The following PRKCB variants were observed in gnomAD, a reference collection of about 807,000 sequenced individuals.
PRKCB encodes the protein protein kinase C beta type.
Under a neutral mutation model 81.5 loss-of-function variants are expected in PRKCB, and 13 were observed. The ratio of observed to expected loss-of-function variants is 0.16; its 90% CI spans 0.10 to 0.25. The LOEUF is 0.25. Among genes scored for constraint, PRKCB ranks in the 10% least tolerant of loss-of-function variants. The pLI, the probability that PRKCB is intolerant of heterozygous loss-of-function variation, is 1.00. For synonymous variants in PRKCB, 335 were observed against 321.4 expected, an observed-to-expected ratio of 1.04 and a Z score of -0.45; for missense variants, 509 against 875.7, an observed-to-expected ratio of 0.58 and a Z score of 5.29.
intron 16 of PRKCB, among the ~76,000 whole-genome samples, chr16:24,204,904 G>A (rs1391201841): frequency 6.6e-6 from 1 of 151,892 alleles, no homozygotes; most frequent in East Asian, 2.0e-4. Context: ...TGCAGATCAC[G>A]AGGTCAGGAG....
At chr16:24,050,741 C>T (rs114316403) in intron 5 of PRKCB, among the ~76,000 whole-genome samples, 4 of 152,200 alleles carry the variant, frequency 2.6e-5, no homozygotes, top group Admixed American at 6.5e-5. Context: ...TGTCATGACC[C>T]GCCGCTTGAA....
chr16:24,064,580 G>A (rs923699000), intron 5 of PRKCB, among the ~76,000 whole-genome samples: 7 of 152,110 alleles, frequency 4.6e-5, no homozygotes, highest in African/African-American at 1.4e-4. Context: ...TTGTGTGTGT[G>A]TAAATTAGTT....
chr16:23,948,189 G>GTA (rs1964229540), intron 2 of PRKCB, among the ~76,000 whole-genome samples: 1 of 152,150 alleles, frequency 6.6e-6, no homozygotes, highest in Non-Finnish European at 1.5e-5. Flanking sequence ...CACAGCATCT[G>GTA]TAGTGCAGAT....
At chr16:24,095,993 A>G (rs1966434164) in intron 7 of PRKCB, among the ~76,000 whole-genome samples, 1 of 152,058 alleles carries the variant, frequency 6.6e-6, no homozygotes, top group Non-Finnish European at 1.5e-5. Context: ...GGCAAGGGCT[A>G]TTATCATTTA....
intron 2 of PRKCB, among the ~76,000 whole-genome samples, chr16:23,854,580 G>A (rs1214467924): frequency 6.6e-6 from 1 of 152,116 alleles, no homozygotes; most frequent in Non-Finnish European, 1.5e-5. Flanking sequence ...TATGCTGATG[G>A]GTGCATTCTC....
chr16:24,074,774 G>A (rs547982725), intron 5 of PRKCB, among the ~76,000 whole-genome samples: 1 of 152,128 alleles, frequency 6.6e-6, no homozygotes, highest in Non-Finnish European at 1.5e-5. Context: ...TGATGCAACG[G>A]TCTAAGCTGC....
At chr16:24,110,540 A>G (rs2141916688) in intron 7 of PRKCB, among the ~76,000 whole-genome samples, 2 of 111,380 alleles carry the variant, frequency 1.8e-5, no homozygotes, top group East Asian at 2.4e-4. Flanking sequence ...TTTGAGAGAC[A>G]GGGTCTTGCT....
intron 5 of PRKCB, among the ~76,000 whole-genome samples, chr16:24,059,994 T>C (rs189069160): frequency 6.6e-6 from 1 of 152,154 alleles, no homozygotes; most frequent in Non-Finnish European, 1.5e-5. Context: ...TGTAGACAAC[T>C]CATGAGAATT....
At chr16:23,937,400 G>T (rs1385932438) in intron 2 of PRKCB, among the ~76,000 whole-genome samples, 2 of 152,184 alleles carry the variant, frequency 1.3e-5, no homozygotes, top group Non-Finnish European at 2.9e-5. Context: ...CATGAACATT[G>T]CAAGCTCAAT....
chr16:24,219,988 G>C lies in PRKCB; in HGVS notation c.*5172G>C. 6.2e-7 allele frequency: 1 copy of C among 1,613,992 alleles called. No individual in the cohort carries two copies. Among genetic ancestry groups the C allele is most frequent in the Non-Finnish European group, 8.5e-7 (1 of 1,179,996 alleles). On this transcript the variant is annotated 3_prime_UTR_variant, in exon 17 of 17. Transcript: ENST00000643927. ...AGACAAGAGAGACACCTCCAACTTC[G>C]ACAAAGAGTTCACCAGACAGCCTGT...
intron 2 of PRKCB, among the ~76,000 whole-genome samples, chr16:23,872,679 G>T (rs1962924272): frequency 6.6e-6 from 1 of 152,112 alleles, no homozygotes; most frequent in South Asian, 2.1e-4. Context: ...CAAAAATAGA[G>T]CAAAGTGTAA....
chr16:24,042,120 A>T (rs143387546), intron 5 of PRKCB, among the ~76,000 whole-genome samples: 1 of 152,074 alleles, frequency 6.6e-6, no homozygotes, highest in Admixed American at 6.6e-5. Context: ...GGTTTGTTAT[A>T]TAGGTAAACT....
At position 23,931,111 on chromosome 16, in the gene PRKCB, A is replaced by AT. The variant is rs1963967463; in HGVS notation, c.206-57395dup. On this transcript the variant is annotated intron_variant, in intron 2 of 16. Coordinates refer to ENST00000643927, the MANE Select transcript of PRKCB (RefSeq NM_002738.7). Reference sequence around the variant, plus strand: ...TGAAAAATGCCCAGCTGTGATTGGCATTGTTAGGGGTCAGTGAAGACACGC... The same window carrying AT: ...TGAAAAATGCCCAGCTGTGATTGGCATTTGTTAGGGGTCAGTGAAGACACGC... Among the ~76,000 whole-genome samples the AT allele has an allele frequency of 2.6e-5, 4 of 152,316 alleles. No individual in the cohort carries two copies. In the South Asian group the frequency reaches 8.3e-4, roughly 32 times the overall value.
At chr16:23,844,079 T>C (rs886911719) in intron 2 of PRKCB, among the ~76,000 whole-genome samples, 1 of 152,248 alleles carries the variant, frequency 6.6e-6, no homozygotes, top group Non-Finnish European at 1.5e-5. Context: ...TTACTAAGTA[T>C]AATTTAAAAT....
chr16:24,187,152 A>G (rs1461830890), intron 15 of PRKCB, among the ~76,000 whole-genome samples: 1 of 152,238 alleles, frequency 6.6e-6, no homozygotes, highest in African/African-American at 2.4e-5. Context: ...AGATTTCTCA[A>G]AAACATTCAG....
At chr16:24,002,727 A>T (rs1965055497) in intron 3 of PRKCB, among the ~76,000 whole-genome samples, 2 of 152,116 alleles carry the variant, frequency 1.3e-5, no homozygotes, top group East Asian at 1.9e-4. Context: ...TCATCTCTGG[A>T]TGGGAAGAAT....
chr16:23,860,417 G>A (rs1962646945), intron 2 of PRKCB, among the ~76,000 whole-genome samples: 1 of 152,160 alleles, frequency 6.6e-6, no homozygotes, highest in South Asian at 2.1e-4. Flanking sequence ...ATATCCGGGT[G>A]TAGGTGCCCA....
At chr16:23,954,252 G>A (rs1427493031) in intron 2 of PRKCB, among the ~76,000 whole-genome samples, 4 of 152,024 alleles carry the variant, frequency 2.6e-5, no homozygotes, top group African/African-American at 9.7e-5. Flanking sequence ...CCTGACCAGG[G>A]AAGGCATCGA....
chr16:24,111,640 GA>G (rs34944521), intron 7 of PRKCB, among the ~76,000 whole-genome samples: 6 of 146,386 alleles, frequency 4.1e-5, no homozygotes, highest in South Asian at 2.2e-4. Context: ...AGAAAAAAAA[GA>G]AAAAAAAAAC....
Sources: gnomAD v4.1 joint callset for allele counts (sites outside exome capture counted in the v4.1 genomes callset) on GRCh38, gnomAD v4.1.1 for gene constraint, MANE v1.5 for transcripts, NCBI Gene and HGNC (gene_info 2026-07-23, HGNC 2026-07-21) for gene names.